The following ATCAY variants were observed in gnomAD, a reference collection of about 807,000 sequenced individuals.
The protein encoded by ATCAY is ATCAY kinesin light chain interacting caytaxin.
Under a neutral mutation model 47.7 loss-of-function variants are expected in ATCAY, and 22 were observed. That is an observed-to-expected ratio of 0.46 (90% CI 0.33 to 0.66). ATCAY has a LOEUF of 0.66. ATCAY is among the 30% of genes least tolerant of loss of function. ATCAY has a pLI of 0.02. For synonymous variants in ATCAY, 216 were observed against 207.6 expected (o/e 1.04, Z -0.35); for missense variants, 452 against 515.0 (o/e 0.88, Z 1.18).
chr19:3,907,008 T>C lies in ATCAY; in HGVS notation c.359-726T>C, dbSNP rs902738354. The stretch of plus-strand genomic sequence containing the variant: ...CAGAAATTAGCCGGGCATGGTGGCG[T>C]GCGTAGTCCCAGCTACTCGGGAGGC... On this transcript the variant is annotated intron_variant, in intron 4 of 12. Transcript: ENST00000450849. This position sits in a 1 kb window ranked among gnomAD's most constrained non-coding sequence, Gnocchi z 5.1. 6.6e-6 allele frequency among the ~76,000 whole-genome samples: 1 copy of C among 150,822 alleles called. No individual in the cohort carries two copies. The highest frequency in any genetic ancestry group is 2.4e-5 in the African/African-American group (1 of 40,926).
chr19:3,913,199 A>G (rs1162813839), intron 8 of ATCAY, among the ~76,000 whole-genome samples: 1 of 150,594 alleles, frequency 6.6e-6, no homozygotes, highest in Non-Finnish European at 1.5e-5. Context: ...AGGCAGGGAA[A>G]ATCGCTTGAA....
chr19:3,898,195 TTC>T (rs2145234401), intron 2 of ATCAY, among the ~76,000 whole-genome samples: 1 of 152,188 alleles, frequency 6.6e-6, no homozygotes, highest in South Asian at 2.1e-4. Flanking sequence ...TTCTTTTCTT[TTC>T]TGTTTTGAGC....
intron 7 of ATCAY, among the ~76,000 whole-genome samples, chr19:3,909,877 G>A (rs1255199816): frequency 2.6e-5 from 4 of 152,180 alleles, no homozygotes; most frequent in East Asian, 3.9e-4. Flanking sequence ...CTGAGGTCAG[G>A]AGTTCAAGAC....
At position 3,907,924 on chromosome 19, in the gene ATCAY, G is replaced by GA. The variant is rs749475336; in HGVS notation, c.544+6dup. 3.7e-6 allele frequency: 6 copies of GA among 1,612,358 alleles called. No individual in the cohort carries two copies. In the East Asian group the frequency reaches 1.1e-4, roughly 30 times the overall value. On this transcript the variant is annotated splice_donor_region_variant and intron_variant, in intron 5 of 12. Transcript: ENST00000450849. This position sits in a 1 kb window ranked among gnomAD's most constrained non-coding sequence, Gnocchi z 5.1. ...TGAAAGTGGTCACCCACGGAGGTGA[G>GA]ACCCGCCCCCCGGTGCCCCCTTGGG... is the stretch of plus-strand genomic sequence containing the variant.
At position 3,907,592 on chromosome 19, in the gene ATCAY, G is replaced by A; in HGVS notation, c.359-142G>A. ...GGGAGTAGGAGAGGAAAATGGGTCA[G>A]CAGGGCAGCCAGGTGGGGAGAAGCG... On this transcript the variant is annotated intron_variant, in intron 4 of 12. Transcript: ENST00000450849. The surrounding 1 kb of genome is among the most constrained non-coding windows in gnomAD (Gnocchi z 5.1). 2 of 1,005,748 alleles carry A rather than the reference G, an allele frequency of 2.0e-6. No individual in the cohort carries two copies. Among genetic ancestry groups the A allele is most frequent in the Non-Finnish European group, 2.9e-6 (2 of 687,540 alleles). 62.3% of individuals were successfully genotyped at this position (1,005,748 alleles called of 1,614,324 possible).
At chr19:3,917,854 C>G (rs1306163657) in intron 10 of ATCAY, 77 bp downstream of exon 10, 2 of 1,525,680 alleles carry the variant, frequency 1.3e-6, no homozygotes, top group Non-Finnish European at 1.8e-6. Context: ...TAGGGCAACC[C>G]GGTGACTTCT....
intron 2 of ATCAY, among the ~76,000 whole-genome samples, chr19:3,888,801 C>G (rs986693117): frequency 1.3e-5 from 2 of 152,030 alleles, no homozygotes; most frequent in Non-Finnish European, 2.9e-5. Flanking sequence ...TGTGGGAGGC[C>G]GAGAGCTTCC....
chr19:3,917,624 G>GA, intron 9 of ATCAY, 118 bp from the exon 10 acceptor site: 1 of 379,424 alleles, frequency 2.6e-6, no homozygotes, highest in Non-Finnish European at 4.7e-6. Flanking sequence ...AGAAGAAGAA[G>GA]AAGAAAAGAA....
intron 2 of ATCAY, among the ~76,000 whole-genome samples, chr19:3,894,693 A>G (rs1251057209): frequency 6.6e-6 from 1 of 151,158 alleles, no homozygotes. Context: ...TCACTCCTGT[A>G]ATCCCATCAC....
intron 10 of ATCAY, among the ~76,000 whole-genome samples, chr19:3,918,212 C>T (rs2038982765): frequency 6.6e-6 from 1 of 151,868 alleles, no homozygotes; most frequent in Admixed American, 6.6e-5. Flanking sequence ...TGGCGTAACT[C>T]CGTCTCTACC....
Position 3,909,491 on chromosome 19 carries a change from T to C in ATCAY, c.653T>C (p.Val218Ala), listed in dbSNP as rs2038904004. Residue 218 changes from valine (V) to alanine (A), a missense_variant, in exon 7 of 13, where the codon GTC (valine) becomes GCC (alanine). Physicochemically the swap from Val to Ala is moderately conservative, Grantham distance 64. Transcript: ENST00000450849. ...CTTCTGTGCCCCGTGAGCAGGTACG[T>C]CATCAGCAGCTTAGAGCTCCTGGTG... ...HYIMENLFLY[V>A]ISSLELLVAE... 5.6e-6 allele frequency: 9 copies of C among 1,613,480 alleles called. No homozygotes were observed. The highest frequency in any genetic ancestry group is 6.8e-6 in the Non-Finnish European group (8 of 1,179,616).
intron 10 of ATCAY, 76 bp from the exon 11 acceptor site, chr19:3,918,730 C>A (rs905326105): frequency 6.6e-6 from 10 of 1,510,168 alleles, no homozygotes; most frequent in Non-Finnish European, 9.2e-6. Flanking sequence ...ACCAGAGAGG[C>A]CAGTACTAGC....
At chr19:3,897,537 C>G (rs548815714) in intron 2 of ATCAY, among the ~76,000 whole-genome samples, 86 of 151,978 alleles carry the variant, frequency 5.7e-4, no homozygotes, top group Admixed American at 1.1e-3. Flanking sequence ...TCAAGGGATC[C>G]TCCCACCTCA....
In ATCAY at chr19:3,907,158, A is replaced by G. The variant is rs1355913007; in HGVS notation, c.359-576A>G. Among the ~76,000 whole-genome samples the G allele has an allele frequency of 6.6e-6, 1 of 151,368 alleles. No individual in the cohort carries two copies. The highest frequency in any genetic ancestry group is 1.5e-5 in the Non-Finnish European group (1 of 67,850). ...AAAAAAAAAAAGAAAGAAAAAAAAA[A>G]ATTAAGGACAATGTAGTGGCTCATT... is the stretch of plus-strand genomic sequence containing the variant. On this transcript the variant is annotated intron_variant, in intron 4 of 12. Coordinates refer to ENST00000450849, the MANE Select transcript of ATCAY (RefSeq NM_033064.5). This position sits in a 1 kb window ranked among gnomAD's most constrained non-coding sequence, Gnocchi z 5.1.
chr19:3,918,164 T>C (rs1362838680), intron 10 of ATCAY, among the ~76,000 whole-genome samples: 1 of 151,766 alleles, frequency 6.6e-6, no homozygotes, highest in Non-Finnish European at 1.5e-5. Context: ...GCAGGAGGAT[T>C]GTGTGAGGTC....
At position 3,927,284 on chromosome 19, in the gene ATCAY, G is replaced by A. The variant is rs117794052; in HGVS notation, c.*2692G>A. On this transcript the variant is annotated 3_prime_UTR_variant, in exon 13 of 13. Coordinates refer to ENST00000450849, the MANE Select transcript of ATCAY (RefSeq NM_033064.5). ...CGGAGGAGACAGGCTCCAGCAGATA[G>A]ATGCCAGCCAGGCCCAGCTGCCACG... 8.6e-3 allele frequency: 1,308 copies of A among 152,382 alleles called. 12 individuals carry two copies. Among genetic ancestry groups the A allele is most frequent in the Non-Finnish European group, 0.014 (978 of 68,118 alleles). The allele number at this position is 152,382 out of a possible 1,614,324, so 9.4% of individuals were successfully genotyped here.
chr19:3,884,162 T>C (rs965829881), intron 1 of ATCAY, among the ~76,000 whole-genome samples: 16 of 151,898 alleles, frequency 1.1e-4, no homozygotes, highest in African/African-American at 3.9e-4. Flanking sequence ...TGGCACACAC[T>C]CGTGGTCCCA....
intron 2 of ATCAY, among the ~76,000 whole-genome samples, chr19:3,894,267 G>A (rs569270796): frequency 5.7e-4 from 86 of 152,026 alleles, no homozygotes; most frequent in African/African-American, 2.0e-3. Flanking sequence ...GGCAGGTCAC[G>A]AGGTCAGGAG....
chr19:3,900,514 T>G (rs2038807202), intron 2 of ATCAY, among the ~76,000 whole-genome samples: 1 of 151,992 alleles, frequency 6.6e-6, no homozygotes, highest in Non-Finnish European at 1.5e-5. Context: ...CTGTCTTTCT[T>G]GTTTTGATGC....
Sources: gnomAD v4.1 joint callset for allele counts (sites outside exome capture counted in the v4.1 genomes callset) on GRCh38, gnomAD v4.1.1 for gene constraint, Gnocchi (gnomAD v3.1) non-coding constraint, MANE v1.5 for transcripts, NCBI Gene and HGNC (gene_info 2026-07-23, HGNC 2026-07-21) for gene names.